CALM2: variants seen among roughly 807,000 people sequenced by gnomAD.
CALM2 encodes calmodulin 2, also known as calmodulin-2.
CALM2 carries 2 observed loss-of-function variants against 19.8 expected under a neutral mutation model. The ratio of observed to expected loss-of-function variants is 0.10; its 90% confidence interval spans 0.04 to 0.32. CALM2 has a LOEUF of 0.32. Ranked by LOEUF, CALM2 falls within the 10% of genes least tolerant of loss-of-function variation. The probability of loss-of-function intolerance (pLI) is 1.00; values close to 1 mark genes in which losing one functional copy is unlikely to be tolerated. For synonymous variants in CALM2, 51 were observed against 52.1 expected (o/e 0.98, Z 0.09); for missense variants, 38 against 178.7 (o/e 0.21, Z 4.49).
chr2:47,176,329 G>T, intron 1 of CALM2, 112 bp downstream of exon 1: 3 of 1,340,624 alleles, frequency 2.2e-6, no homozygotes, highest in Non-Finnish European at 3.1e-6. Context: ...CATCCCTCTG[G>T]CAGAAACCAC....
rs1471702468 is a variant in CALM2, at chr2:47,172,318, TA to T, written c.4-1555del. On this transcript the variant is annotated intron_variant, in intron 1 of 5. Transcript: ENST00000272298. ...CATCAAGTTCTGAGTCACAGGCCAG[TA>T]TCCCAGCCCTGCCATTTAATAGCTG... 16 of 407,250 alleles carry T rather than the reference TA, an allele frequency of 3.9e-5. No homozygotes were observed. In the Admixed American group the frequency reaches 5.1e-4, roughly 13 times the overall value. 25.2% of individuals were successfully genotyped at this position (407,250 alleles called of 1,614,324 possible).
intron 1 of CALM2, chr2:47,174,267 T>C (rs1331594014): frequency 6.6e-6 from 1 of 152,120 alleles, no homozygotes; most frequent in Non-Finnish European, 1.5e-5. Flanking sequence ...TTTTTTTATT[T>C]TTTGAGAGAC....
intron 1 of CALM2, among the ~76,000 whole-genome samples, chr2:47,174,430 T>C (rs953092563): frequency 6.6e-6 from 1 of 152,172 alleles, no homozygotes; most frequent in African/African-American, 2.4e-5. Flanking sequence ...TTTTTTTTAA[T>C]TGGATTCCTA....
chr2:47,165,753 A>G (rs1176441157), intron 2 of CALM2, among the ~76,000 whole-genome samples: 1 of 152,216 alleles, frequency 6.6e-6, no homozygotes, highest in East Asian at 1.9e-4. Context: ...TCTACAGGAT[A>G]TAGCTCCCCT....
chr2:47,175,316 T>C (rs1666818156), intron 1 of CALM2, among the ~76,000 whole-genome samples: 1 of 152,114 alleles, frequency 6.6e-6, no homozygotes, highest in Non-Finnish European at 1.5e-5. Context: ...GTCGTGGTTC[T>C]TGAACATTAG....
intron 1 of CALM2, among the ~76,000 whole-genome samples, chr2:47,175,178 C>T (rs571261649): frequency 6.7e-6 from 1 of 150,040 alleles, no homozygotes; most frequent in South Asian, 2.1e-4. Context: ...CGCATACACT[C>T]TTCCATCACA....
chr2:47,172,073 T>A (rs1169501358), intron 1 of CALM2: 2 of 152,052 alleles, frequency 1.3e-5, no homozygotes, highest in Non-Finnish European at 2.9e-5. Flanking sequence ...AAAAAATGTA[T>A]CCACTTTTAT....
At position 47,169,169 on chromosome 2, in the gene CALM2, T is replaced by G. The variant is rs576036144; in HGVS notation, c.34+1565A>C. On this transcript the variant is annotated intron_variant, in intron 2 of 5. Transcript: ENST00000272298. ...GTTTTCTACCCTAAAGTGAACATGC[T>G]GTACTGCATACAGTTGGTACCTGTA... is the stretch of plus-strand genomic sequence containing the variant. Among the ~76,000 whole-genome samples, 12 of 152,332 alleles carry G rather than the reference T, an allele frequency of 7.9e-5. No individual in the cohort carries two copies. The East Asian group carries it at 2.3e-3, about 29-fold the overall frequency.
chr2:47,174,701 A>G (rs1284816439), intron 1 of CALM2, among the ~76,000 whole-genome samples: 2 of 152,152 alleles, frequency 1.3e-5, no homozygotes, highest in South Asian at 4.1e-4. Flanking sequence ...TATTCGAATT[A>G]CTGATTCAAT....
chr2:47,166,756 C>G (rs1666490505), intron 2 of CALM2, among the ~76,000 whole-genome samples: 1 of 152,166 alleles, frequency 6.6e-6, no homozygotes. Context: ...TAATTCTAAA[C>G]TGTAACTCCC....
intron 2 of CALM2, among the ~76,000 whole-genome samples, chr2:47,164,980 C>T (rs896422608): frequency 5.9e-5 from 9 of 152,166 alleles, no homozygotes; most frequent in African/African-American, 1.9e-4. Flanking sequence ...ATCTTCACAT[C>T]GCTTAGCCTA....
At chr2:47,168,909 C>T (rs1274881612) in intron 2 of CALM2, among the ~76,000 whole-genome samples, 2 of 152,074 alleles carry the variant, frequency 1.3e-5, no homozygotes, top group Non-Finnish European at 2.9e-5. Flanking sequence ...TCCTGAGTGG[C>T]TGGGATTACA....
intron 1 of CALM2, among the ~76,000 whole-genome samples, chr2:47,175,097 T>C (rs73926765): frequency 6.3e-4 from 80 of 126,568 alleles, no homozygotes; most frequent in Admixed American, 1.9e-3. Context: ...TTTTTTTTTT[T>C]TCAGGAAAGA....
chr2:47,176,540 A>C, upstream of CALM2: 1 of 1,574,586 alleles, frequency 6.4e-7, no homozygotes, highest in Non-Finnish European at 8.6e-7. Context: ...CCAGCGCCTC[A>C]TAAACACCTC....
At chr2:47,165,439 A>C (rs1666433151) in intron 2 of CALM2, among the ~76,000 whole-genome samples, 1 of 152,240 alleles carries the variant, frequency 6.6e-6, no homozygotes, top group Non-Finnish European at 1.5e-5. Flanking sequence ...GTATGTGTCA[A>C]ACACTTAGAA....
chr2:47,173,784 T>C (rs1384053241), intron 1 of CALM2: 1 of 152,228 alleles, frequency 6.6e-6, no homozygotes, highest in African/African-American at 2.4e-5. Context: ...TATGAAGTTT[T>C]TTCTACAATT....
intron 2 of CALM2, among the ~76,000 whole-genome samples, chr2:47,168,169 G>A (rs532233287): frequency 5.9e-5 from 9 of 152,160 alleles, no homozygotes; most frequent in East Asian, 1.9e-4. Context: ...GTCCCTGACC[G>A]CACATGATTT....
At chr2:47,170,708 G>T in intron 2 of CALM2, 26 bp downstream of exon 2, 1 of 1,586,910 alleles carries the variant, frequency 6.3e-7, no homozygotes, top group Non-Finnish European at 8.7e-7. Flanking sequence ...AATCTAATGG[G>T]TACAATCTAG....
intron 1 of CALM2, among the ~76,000 whole-genome samples, chr2:47,175,125 G>C (rs532107124): frequency 1.7e-5 from 2 of 117,162 alleles, no homozygotes; most frequent in Admixed American, 1.1e-4. Context: ...CTCCCAGTCT[G>C]AGGTGACCGG....
Sources: allele counts gnomAD v4.1 joint callset (sites outside exome capture counted in the v4.1 genomes callset), GRCh38; gene constraint gnomAD v4.1.1; transcripts MANE v1.5; gene names NCBI Gene and HGNC (gene_info 2026-07-23, HGNC 2026-07-21).